DLG2: variants seen among roughly 807,000 people sequenced by gnomAD.
DLG2 encodes disks large homolog 2.
A neutral mutation model predicts 132.5 loss-of-function variants in DLG2; 45 were observed. The ratio of observed to expected loss-of-function variants is 0.34; its 90% CI spans 0.27 to 0.44. DLG2 has a LOEUF of 0.44. Ranked by LOEUF, DLG2 falls within the 20% of genes least tolerant of loss-of-function variation. The pLI, the probability that DLG2 is intolerant of heterozygous loss-of-function variation, is 1.00. For missense variants in DLG2, 1,045 were observed against 1,196.9 expected, an observed-to-expected ratio of 0.87 and a Z score of 1.87; for synonymous variants, 424 against 419.6, an observed-to-expected ratio of 1.01 and a Z score of -0.13.
At chr11:84,461,301 A>T (rs999965182) in intron 7 of DLG2, among the ~76,000 whole-genome samples, 1 of 150,896 alleles carries the variant, frequency 6.6e-6, no homozygotes, top group African/African-American at 2.4e-5. Context: ...ATTTAAGATA[A>T]GATGGCCAAT....
At chr11:84,671,626 G>A (rs2099706008) in intron 6 of DLG2, among the ~76,000 whole-genome samples, 1 of 152,240 alleles carries the variant, frequency 6.6e-6, no homozygotes, top group African/African-American at 2.4e-5. Flanking sequence ...TGTGCTCTCA[G>A]CAGAGAAAAA....
intron 3 of DLG2, among the ~76,000 whole-genome samples, chr11:85,454,084 G>A (rs2092341050): frequency 6.6e-6 from 1 of 151,426 alleles, no homozygotes; most frequent in African/African-American, 2.4e-5. Flanking sequence ...TTGCTGCAAA[G>A]GGAATGATCT....
At position 85,528,751 on chromosome 11, in the gene DLG2, A is replaced by C. The variant is rs578033829; in HGVS notation, c.40+69906T>G. Reference sequence around the variant, plus strand: ...CTTAGAAGGACCCTGTGCTTAGTTTAATTATCTGCTATAGTTGTCTTGAAA... The same window carrying C: ...CTTAGAAGGACCCTGTGCTTAGTTTCATTATCTGCTATAGTTGTCTTGAAA... On this transcript the variant is annotated intron_variant, in intron 3 of 27. Transcript: ENST00000376104. Among the ~76,000 whole-genome samples the C allele has an allele frequency of 3.1e-4, 47 of 152,312 alleles. 1 individual carries two copies. The South Asian group carries it at 8.7e-3, about 28-fold the overall frequency.
At chr11:84,127,203 C>T (rs866192540) in intron 9 of DLG2, among the ~76,000 whole-genome samples, 5 of 152,094 alleles carry the variant, frequency 3.3e-5, no homozygotes, top group African/African-American at 9.7e-5. Flanking sequence ...TCAGAGAGTG[C>T]GCCAAACCAC....
chr11:84,012,067 T>A (rs182575166), intron 11 of DLG2, among the ~76,000 whole-genome samples: 1 of 152,130 alleles, frequency 6.6e-6, no homozygotes, highest in East Asian at 1.9e-4. Context: ...GACTTACATA[T>A]ATAGAAAATA....
intron 11 of DLG2, among the ~76,000 whole-genome samples, chr11:84,018,082 C>T (rs979178742): frequency 2.6e-5 from 4 of 151,766 alleles, no homozygotes; most frequent in African/African-American, 7.3e-5. Flanking sequence ...TGTATGTTAA[C>T]GTTTTTGATT....
intron 7 of DLG2, among the ~76,000 whole-genome samples, chr11:84,530,075 C>A (rs1208372198): frequency 6.6e-6 from 1 of 152,134 alleles, no homozygotes. Flanking sequence ...GGTGCTGGGA[C>A]AACTGGCTAG....
rs1415297161 is a variant in DLG2, at chr11:83,606,232, A to G, written c.1940+26979T>C. Among the ~76,000 whole-genome samples the G allele has an allele frequency of 9.8e-5, 15 of 152,342 alleles. No individual in the cohort carries two copies. In the East Asian group the frequency reaches 2.7e-3, roughly 27 times the overall value. The stretch of plus-strand genomic sequence containing the variant: ...TATACACTACTATACATACTAGCAT[A>G]TATGCTAATATATGCTAACATTTAT... On this transcript the variant is annotated intron_variant, in intron 19 of 27. Coordinates refer to ENST00000376104, the MANE Select transcript of DLG2 (RefSeq NM_001142699.3).
At chr11:84,936,220 C>T (rs2048728841) in intron 6 of DLG2, among the ~76,000 whole-genome samples, 1 of 152,118 alleles carries the variant, frequency 6.6e-6, no homozygotes, top group Non-Finnish European at 1.5e-5. Flanking sequence ...AGTCCTTTAA[C>T]CCTTCATGTG....
chr11:85,009,648 T>C (rs1168775996), intron 6 of DLG2, among the ~76,000 whole-genome samples: 1 of 152,126 alleles, frequency 6.6e-6, no homozygotes, highest in African/African-American at 2.4e-5. Context: ...ATTGAAACAT[T>C]TTATTGTATA....
At chr11:85,003,132 AG>A (rs567473551) in intron 6 of DLG2, among the ~76,000 whole-genome samples, 79 of 152,216 alleles carry the variant, frequency 5.2e-4, no homozygotes, top group African/African-American at 1.9e-3. Context: ...ACATTTTTCA[AG>A]GGTCAAGTAT....
chr11:83,789,825 C>T (rs1183874921), intron 17 of DLG2, among the ~76,000 whole-genome samples: 5 of 152,156 alleles, frequency 3.3e-5, no homozygotes, highest in East Asian at 1.9e-4. Flanking sequence ...GGATTACAGG[C>T]GTGAGCCACC....
chr11:85,020,295 C>T lies in DLG2; in HGVS notation c.357+91366G>A, dbSNP rs2154139521. On this transcript the variant is annotated intron_variant, in intron 6 of 27. Transcript: ENST00000376104. The stretch of plus-strand genomic sequence containing the variant: ...GAGAAGTGTCTGTTCATGTCCTTTG[C>T]CCACTTTTTGATGGGGTTGATTTTT... Among the ~76,000 whole-genome samples, 3 of 152,226 alleles carry T rather than the reference C, an allele frequency of 2.0e-5. No individual in the cohort carries two copies. In the Middle Eastern group the frequency reaches 0.01, roughly 518 times the overall value.
At position 84,187,851 on chromosome 11, in the gene DLG2, G is replaced by A. The variant is rs1049279031; in HGVS notation, c.574-24340C>T. Among the ~76,000 whole-genome samples the A allele has an allele frequency of 3.3e-5, 5 of 152,020 alleles. No individual in the cohort carries two copies. In the East Asian group the frequency reaches 9.6e-4, roughly 29 times the overall value. On this transcript the variant is annotated intron_variant, in intron 8 of 27. Transcript: ENST00000376104. ...ATTTATCTGACTGCTTTAAACATAG[G>A]ACTAAAAAATAGGAAGTGCTCAGCA...
chr11:85,460,094 C>T (rs764081929), intron 3 of DLG2, among the ~76,000 whole-genome samples: 1 of 152,198 alleles, frequency 6.6e-6, no homozygotes, highest in Non-Finnish European at 1.5e-5. Context: ...AGAGCACAGA[C>T]AGGGGGTGGC....
At chr11:84,808,337 C>A in intron 6 of DLG2, among the ~76,000 whole-genome samples, 1 of 151,308 alleles carries the variant, frequency 6.6e-6, no homozygotes. Context: ...TTAAAGTCAC[C>A]CTAAAGTGAA....
chr11:83,828,355 T>C (rs1329953255), intron 17 of DLG2, among the ~76,000 whole-genome samples: 1 of 152,198 alleles, frequency 6.6e-6, no homozygotes, highest in Non-Finnish European at 1.5e-5. Context: ...ATCACGCCAC[T>C]GTGCTCCAGC....
At chr11:83,697,537 T>G (rs10898149) in intron 18 of DLG2, among the ~76,000 whole-genome samples, 50,764 of 151,980 alleles carry the variant, frequency 0.33, 10,011 homozygotes, top group African/African-American at 0.55. Context: ...TTCAGTTTTT[T>G]GAACTCTCCT....
intron 11 of DLG2, among the ~76,000 whole-genome samples, chr11:83,985,359 A>T (rs1234285737): frequency 1.3e-5 from 2 of 151,654 alleles, no homozygotes; most frequent in African/African-American, 4.8e-5. Context: ...TTTGCCTTTA[A>T]CTTTTAAGTT....
Sources: allele counts gnomAD v4.1 joint callset (sites outside exome capture counted in the v4.1 genomes callset), GRCh38; gene constraint gnomAD v4.1.1; transcripts MANE v1.5; gene names NCBI Gene and HGNC (gene_info 2026-07-23, HGNC 2026-07-21).